Variants in TFDP1 observed in about 807,000 individuals in gnomAD.
The protein encoded by TFDP1 is transcription factor Dp-1, also known as DRTF1-polypeptide 1.
Under a neutral mutation model 48.0 loss-of-function variants are expected in TFDP1, and 6 were observed. That is an observed-to-expected ratio of 0.13 (90% CI 0.07 to 0.25). The LOEUF is 0.25. Ranked by LOEUF, TFDP1 falls within the 10% of genes least tolerant of loss-of-function variation. The probability of loss-of-function intolerance (pLI) is 1.00; values close to 1 mark genes in which losing one functional copy is unlikely to be tolerated. For missense variants in TFDP1, 335 were observed against 543.0 expected (o/e 0.62, Z 3.81); for synonymous variants, 201 against 211.6 (o/e 0.95, Z 0.44).
chr13:113,590,192 G>A (rs1047972773), intron 2 of TFDP1, among the ~76,000 whole-genome samples: 4 of 152,178 alleles, frequency 2.6e-5, no homozygotes, highest in South Asian at 2.1e-4. Flanking sequence ...GTCACTGCCC[G>A]GTATTCACGT....
At chr13:113,629,966 G>A (rs1344380674) in intron 4 of TFDP1, among the ~76,000 whole-genome samples, 1 of 152,204 alleles carries the variant, frequency 6.6e-6, no homozygotes, top group African/African-American at 2.4e-5. Flanking sequence ...CGTGTGGTAT[G>A]CGCGGAGCCA....
intron 5 of TFDP1, chr13:113,631,997 G>A: frequency 2.1e-6 from 1 of 481,268 alleles, no homozygotes; most frequent in Non-Finnish European, 3.7e-6. Flanking sequence ...GGTGCTCTCT[G>A]AAGGGCTGGC....
In TFDP1 at chr13:113,612,989, T is replaced by C. The variant is rs566626717; in HGVS notation, c.79+1927T>C. ...CTGGACCTCCCCTGCCCTCACCTGG[T>C]GTTGATTCCACCGCACAGACGGTGG... On this transcript the variant is annotated intron_variant, in intron 3 of 11. Coordinates refer to ENST00000375370, the MANE Select transcript of TFDP1 (RefSeq NM_007111.5). Among the ~76,000 whole-genome samples, 318 of 150,072 alleles carry C rather than the reference T, an allele frequency of 2.1e-3. 3 individuals carry two copies. Among genetic ancestry groups the C allele is most frequent in the Non-Finnish European group, 2.8e-4 (19 of 67,736 alleles).
intron 11 of TFDP1, among the ~76,000 whole-genome samples, chr13:113,639,470 T>C (rs2140671758): frequency 6.6e-6 from 1 of 152,376 alleles, no homozygotes; most frequent in African/African-American, 2.4e-5. Context: ...CAGCTGAATT[T>C]CTCGCCATTT....
At chr13:113,613,842 A>T (rs534004055) in intron 3 of TFDP1, among the ~76,000 whole-genome samples, 2 of 149,634 alleles carry the variant, frequency 1.3e-5, no homozygotes, top group East Asian at 4.0e-4. Flanking sequence ...ATATGTGTTG[A>T]GTGTGCATGT....
At position 113,608,579 on chromosome 13, in the gene TFDP1, G is replaced by A. The variant is rs149453080; in HGVS notation, c.13-2417G>A. On this transcript the variant is annotated intron_variant, in intron 2 of 11. Transcript: ENST00000375370. ...GGCCCAAGCCTGACCAGCCCTGGCC[G>A]AGGCCCTTGACTCCTGGCCTCACCC... Among the ~76,000 whole-genome samples, 79 of 152,310 alleles carry A rather than the reference G, an allele frequency of 5.2e-4. 1 individual carries two copies. The East Asian group carries it at 0.01, about 20-fold the overall frequency.
intron 2 of TFDP1, among the ~76,000 whole-genome samples, chr13:113,603,546 T>G (rs146313503): frequency 1.2e-3 from 188 of 152,364 alleles, no homozygotes; most frequent in African/African-American, 4.2e-3. Context: ...TCTTTTATAG[T>G]TCTTATTTTC....
chr13:113,612,700 T>G (rs1442279576), intron 3 of TFDP1, among the ~76,000 whole-genome samples: 1 of 152,272 alleles, frequency 6.6e-6, no homozygotes, highest in Non-Finnish European at 1.5e-5. Context: ...TCTTACCACA[T>G]GTGGGCTGTC....
chr13:113,638,496 A>G (rs2049559021), intron 11 of TFDP1, among the ~76,000 whole-genome samples: 1 of 150,998 alleles, frequency 6.6e-6, no homozygotes, highest in Non-Finnish European at 1.5e-5. Context: ...TATTTTTGCG[A>G]ACGCGTCTGT....
chr13:113,608,231 TG>T (rs2048617742), intron 2 of TFDP1, among the ~76,000 whole-genome samples: 1 of 152,200 alleles, frequency 6.6e-6, no homozygotes, highest in Non-Finnish European at 1.5e-5. Flanking sequence ...AAAGGCACTG[TG>T]CCACCCGGGG....
At chr13:113,634,834 T>TGTGTGCATGTGC (rs2049435962) in intron 8 of TFDP1, among the ~76,000 whole-genome samples, 1 of 151,312 alleles carries the variant, frequency 6.6e-6, no homozygotes. Flanking sequence ...TGCATGTGTG[T>TGTGTGCATGTGC]GTGTGTGCAT....
intron 3 of TFDP1, among the ~76,000 whole-genome samples, chr13:113,617,760 G>A (rs1049064257): frequency 5.3e-5 from 8 of 152,204 alleles, no homozygotes; most frequent in African/African-American, 1.9e-4. Context: ...GGGCAAAATA[G>A]TAACTCTTAG....
chr13:113,624,969 T>C (rs1213466000), intron 4 of TFDP1, among the ~76,000 whole-genome samples: 1 of 140,580 alleles, frequency 7.1e-6, no homozygotes, highest in Non-Finnish European at 1.5e-5. Context: ...TCTCAGGGTA[T>C]CTCTCACATG....
rs762840973 is a variant in TFDP1, at chr13:113,623,348, G to T, written c.186+62G>T. 6 of 1,473,314 alleles carry T rather than the reference G, an allele frequency of 4.1e-6. No individual in the cohort carries two copies. In the South Asian group the frequency reaches 7.3e-5, roughly 18 times the overall value. The allele number at this position is 1,473,314 out of a possible 1,614,324, so 91.3% of individuals were successfully genotyped here. A position where few individuals can be genotyped will look rare whatever the true frequency, so the allele number is the denominator to read the frequency against. Reference sequence around the variant, plus strand: ...GTGTGAGGTCGGGATCGGATGAGCCGTGTGGTTGGGGATGTTCCCAGGTGT... The same window carrying T: ...GTGTGAGGTCGGGATCGGATGAGCCTTGTGGTTGGGGATGTTCCCAGGTGT... On this transcript the variant is annotated intron_variant, in intron 4 of 11. Transcript: ENST00000375370. This position sits in a 1 kb window ranked among gnomAD's most constrained non-coding sequence, Gnocchi z 5.2.
intron 8 of TFDP1, among the ~76,000 whole-genome samples, 155 bp downstream of exon 8, chr13:113,634,757 G>A (rs566150449): frequency 2.6e-5 from 4 of 152,308 alleles, no homozygotes; most frequent in South Asian, 2.1e-4. Flanking sequence ...GGTGTTGAAC[G>A]TGGGCCTTAT....
At chr13:113,635,107 C>T (rs2049449369) in intron 8 of TFDP1, among the ~76,000 whole-genome samples, 1 of 152,238 alleles carries the variant, frequency 6.6e-6, no homozygotes, top group South Asian at 2.1e-4. Context: ...GCACCTGGGT[C>T]TTGACAGTGC....
intron 3 of TFDP1, among the ~76,000 whole-genome samples, chr13:113,611,655 A>G (rs1322307868): frequency 6.6e-6 from 1 of 152,216 alleles, no homozygotes. Context: ...TACGTTCGTG[A>G]AGGTGTGTGT....
Position 113,615,343 on chromosome 13 carries a change from A to G in TFDP1, c.79+4281A>G, listed in dbSNP as rs1210612709. Among the ~76,000 whole-genome samples, 5 of 152,086 alleles carry G rather than the reference A, an allele frequency of 3.3e-5. No individual in the cohort carries two copies. In the East Asian group the frequency reaches 9.6e-4, roughly 29 times the overall value. ...GTGGGCTCTTACTCATATCATGCCT[A>G]CGGCCCCGCAGTGCTGATAGGAGCT... On this transcript the variant is annotated intron_variant, in intron 3 of 11. Coordinates refer to ENST00000375370, the MANE Select transcript of TFDP1 (RefSeq NM_007111.5).
At chr13:113,614,963 G>A (rs1021713147) in intron 3 of TFDP1, among the ~76,000 whole-genome samples, 15 of 152,150 alleles carry the variant, frequency 9.9e-5, no homozygotes, top group Admixed American at 5.9e-4. Context: ...GGAGCTCCGC[G>A]GCAAGTTCTC....
Sources: gnomAD v4.1 joint callset for allele counts (sites outside exome capture counted in the v4.1 genomes callset) on GRCh38, gnomAD v4.1.1 for gene constraint, Gnocchi (gnomAD v3.1) non-coding constraint, MANE v1.5 for transcripts, NCBI Gene and HGNC (gene_info 2026-07-23, HGNC 2026-07-21) for gene names.